The following MGAT5 variants were observed in gnomAD, a reference collection of about 807,000 sequenced individuals.
MGAT5 encodes the protein alpha-1,6-mannosylglycoprotein 6-beta-N-acetylglucosaminyltransferase A.
MGAT5 carries 30 observed loss-of-function variants against 94.3 expected under a neutral mutation model. The ratio of observed to expected loss-of-function variants is 0.32; its 90% CI spans 0.24 to 0.43. MGAT5 has a LOEUF of 0.43. Ranked by LOEUF, MGAT5 falls within the 20% of genes least tolerant of loss-of-function variation. The probability of loss-of-function intolerance (pLI) is 1.00; values close to 1 mark genes in which losing one functional copy is unlikely to be tolerated. For synonymous variants in MGAT5, 310 were observed against 322.9 expected, an observed-to-expected ratio of 0.96 and a Z score of 0.43; for missense variants, 691 against 905.5, an observed-to-expected ratio of 0.76 and a Z score of 3.04.
intron 1 of MGAT5, among the ~76,000 whole-genome samples, chr2:134,133,698 TGA>T (rs1273981759): frequency 1.3e-5 from 2 of 152,112 alleles, no homozygotes; most frequent in Non-Finnish European, 2.9e-5. Context: ...GGCCACCGAA[TGA>T]GAGGGGAGGA....
intron 10 of MGAT5, among the ~76,000 whole-genome samples, chr2:134,391,684 A>C (rs1188564480): frequency 6.6e-6 from 1 of 152,206 alleles, no homozygotes; most frequent in Non-Finnish European, 1.5e-5. Flanking sequence ...AAGGATTTCA[A>C]TAGCGGGGAT....
rs560084794 is a variant in MGAT5 at position 134,377,776 on chromosome 2, A to T, written c.1380+15368A>T. 2.5e-4 allele frequency among the ~76,000 whole-genome samples: 38 copies of T among 152,264 alleles called. 2 individuals are homozygous for T. In the South Asian group the frequency reaches 4.6e-3, roughly 18 times the overall value. On this transcript the variant is annotated intron_variant, in intron 10 of 15. Transcript: ENST00000281923. ...AAAACTATTAACTCTTTTCATGTTG[A>T]GTACTTTTTCCTCACCTGTTTTTCC...
In MGAT5 at chr2:134,178,240, A is replaced by C. The variant is rs147848777; in HGVS notation, c.-143+57949A>C. ...TGTTTCATAGGGCATGAATCAGGAA[A>C]ACTAGACTAGGCATTTCTAACAGAT... On this transcript the variant is annotated intron_variant, in intron 1 of 16. Coordinates refer to the MGAT5 transcript ENST00000409645. Among the ~76,000 whole-genome samples the C allele has an allele frequency of 3.8e-3, 573 of 152,322 alleles. 5 individuals carry two copies. Among genetic ancestry groups the C allele is most frequent in the African/African-American group, 0.013 (557 of 41,574 alleles).
chr2:134,207,714 G>T (rs1053284565), intron 1 of MGAT5, among the ~76,000 whole-genome samples: 6 of 152,162 alleles, frequency 3.9e-5, no homozygotes, highest in Non-Finnish European at 5.9e-5. Flanking sequence ...GTCTTGTGCA[G>T]AGGTGTTATT....
chr2:134,195,421 T>A (rs1352000080), intron 1 of MGAT5, among the ~76,000 whole-genome samples: 1 of 152,250 alleles, frequency 6.6e-6, no homozygotes, highest in Non-Finnish European at 1.5e-5. Flanking sequence ...ACAATTCTTA[T>A]GTTTTTATCT....
chr2:134,310,945 G>A (rs1277567523), intron 2 of MGAT5, among the ~76,000 whole-genome samples: 4 of 152,336 alleles, frequency 2.6e-5, no homozygotes, highest in Non-Finnish European at 5.9e-5. Flanking sequence ...CCAGTGGCAC[G>A]CTCATTTGGC....
intron 4 of MGAT5, among the ~76,000 whole-genome samples, chr2:134,333,660 G>C (rs1688145278): frequency 6.6e-6 from 1 of 152,114 alleles, no homozygotes; most frequent in African/African-American, 2.4e-5. Flanking sequence ...TCCTCTACTG[G>C]TGGGTTAAGC....
intron 1 of MGAT5, among the ~76,000 whole-genome samples, chr2:134,167,351 G>A (rs1323901937): frequency 6.6e-6 from 1 of 152,228 alleles, no homozygotes; most frequent in Non-Finnish European, 1.5e-5. Flanking sequence ...GAAAAGAGCT[G>A]TCTGAAGTAA....
intron 2 of MGAT5, among the ~76,000 whole-genome samples, chr2:134,288,156 C>T (rs985614807): frequency 3.9e-5 from 6 of 152,184 alleles, no homozygotes; most frequent in Non-Finnish European, 8.8e-5. Context: ...CCTGACATGG[C>T]TCTGGTAGTT....
In MGAT5 at chr2:134,454,591, CTTTA is replaced by C. The variant is rs1686274608; in HGVS notation, c.*5748_*5751del. On this transcript the variant is annotated 3_prime_UTR_variant, in exon 16 of 16. Coordinates refer to ENST00000281923, the MANE Select transcript of MGAT5 (RefSeq NM_002410.5). ...CTGTTGTAGAGAAAACTAGGGAGAA[CTTTA>C]TTTTTCAATAAACTTTTCTTGTGTG... The C allele has an allele frequency of 6.6e-6, 1 of 152,052 alleles. No homozygotes were observed. Among genetic ancestry groups the C allele is most frequent in the African/African-American group, 2.4e-5 (1 of 41,370 alleles). The allele number at this position is 152,052 out of a possible 1,614,324, so 9.4% of individuals were successfully genotyped here.
At chr2:134,180,644 C>A (rs1298398506) in intron 1 of MGAT5, among the ~76,000 whole-genome samples, 4 of 152,194 alleles carry the variant, frequency 2.6e-5, no homozygotes, top group African/African-American at 9.6e-5. Flanking sequence ...GGACTAGGCT[C>A]TGTGAGGACC....
chr2:134,450,530 C>T lies in MGAT5; in HGVS notation c.*1683C>T, dbSNP rs1164076655. The T allele has an allele frequency of 6.6e-6, 1 of 152,216 alleles. No homozygotes were observed. Among genetic ancestry groups the T allele is most frequent in the Non-Finnish European group, 1.5e-5 (1 of 68,042 alleles). 9.4% of individuals were successfully genotyped at this position (152,216 alleles called of 1,614,324 possible). ...AATTGCTACACAAATGTGCAGCCAG[C>T]CTTTTTTCTTAGGCCCACTGAGATC... is the stretch of plus-strand genomic sequence containing the variant. On this transcript the variant is annotated 3_prime_UTR_variant, in exon 16 of 16. Coordinates refer to ENST00000281923, the MANE Select transcript of MGAT5 (RefSeq NM_002410.5).
chr2:134,408,639 T>C (rs1331605336), intron 11 of MGAT5, among the ~76,000 whole-genome samples: 1 of 152,160 alleles, frequency 6.6e-6, no homozygotes, highest in Non-Finnish European at 1.5e-5. Context: ...GTCAGGGGCT[T>C]GTGGAGCCCT....
chr2:134,347,961 G>T (rs1418653097), intron 8 of MGAT5, among the ~76,000 whole-genome samples: 1 of 152,140 alleles, frequency 6.6e-6, no homozygotes, highest in African/African-American at 2.4e-5. Flanking sequence ...TGGTAGGAGT[G>T]GAGCATTCCC....
chr2:134,448,948 G>C lies in MGAT5; in HGVS notation c.*101G>C. 7.9e-7 allele frequency: 1 copy of C among 1,264,028 alleles called. No individual in the cohort carries two copies. The highest frequency in any genetic ancestry group is 1.1e-6 in the Non-Finnish European group (1 of 907,976). 78.3% of individuals were successfully genotyped at this position (1,264,028 alleles called of 1,614,324 possible). ...AGAAGTCATGCAGGGACTCTGGCAA[G>C]AGCCTGAACTTTTTCGTAGAAGGTT... On this transcript the variant is annotated 3_prime_UTR_variant, in exon 16 of 16. Coordinates refer to ENST00000281923, the MANE Select transcript of MGAT5 (RefSeq NM_002410.5).
At chr2:134,342,114 A>T (rs1257489511) in intron 7 of MGAT5, among the ~76,000 whole-genome samples, 1 of 152,146 alleles carries the variant, frequency 6.6e-6, no homozygotes, top group Non-Finnish European at 1.5e-5. Flanking sequence ...CCTACTCAAC[A>T]TCAATCTTGC....
At chr2:134,313,411 C>T (rs1686815334) in intron 2 of MGAT5, among the ~76,000 whole-genome samples, 1 of 152,176 alleles carries the variant, frequency 6.6e-6, no homozygotes. Flanking sequence ...GATAAAGCAA[C>T]AGAATTTTTA....
intron 2 of MGAT5, among the ~76,000 whole-genome samples, chr2:134,283,388 C>CT (rs1684817415): frequency 1.3e-5 from 2 of 152,192 alleles, no homozygotes; most frequent in Non-Finnish European, 2.9e-5. Context: ...CTGTATGTGC[C>CT]TTTGTTCCAT....
At position 134,388,875 on chromosome 2, in the gene MGAT5, C is replaced by T. The variant is rs538123735; in HGVS notation, c.1381-14113C>T. Among the ~76,000 whole-genome samples the T allele has an allele frequency of 2.6e-5, 4 of 151,212 alleles. No homozygotes were observed. In the East Asian group the frequency reaches 7.7e-4, roughly 29 times the overall value. ...CTCCCGGTTCAAGCAATTCTCCTGCCTCAGCCTCCTGGGTAGCTGTTATTA... is the reference window on the plus strand; with the variant it reads ...CTCCCGGTTCAAGCAATTCTCCTGCTTCAGCCTCCTGGGTAGCTGTTATTA... On this transcript the variant is annotated intron_variant, in intron 10 of 15. Coordinates refer to ENST00000281923, the MANE Select transcript of MGAT5 (RefSeq NM_002410.5).
Sources: gnomAD v4.1 joint callset for allele counts (sites outside exome capture counted in the v4.1 genomes callset) on GRCh38, gnomAD v4.1.1 for gene constraint, MANE v1.5 for transcripts, NCBI Gene and HGNC (gene_info 2026-07-23, HGNC 2026-07-21) for gene names.